PARD3B: variants seen among roughly 807,000 people sequenced by gnomAD.
PARD3B encodes the protein par-3 family cell polarity regulator beta.
A neutral mutation model predicts 130.2 loss-of-function variants in PARD3B; 103 were observed. The ratio of observed to expected loss-of-function variants is 0.79; its 90% CI spans 0.67 to 0.93. PARD3B has a LOEUF of 0.93. Among genes scored for constraint, PARD3B ranks in the 40% least tolerant of loss-of-function variants. The pLI, the probability that PARD3B is intolerant of heterozygous loss-of-function variation, is 0.00. For synonymous variants in PARD3B, 583 were observed against 553.2 expected, an observed-to-expected ratio of 1.05 and a Z score of -0.76; for missense variants, 1,609 against 1,499.2, an observed-to-expected ratio of 1.07 and a Z score of -1.21.
intron 21 of PARD3B, among the ~76,000 whole-genome samples, chr2:205,518,154 G>A (rs370844662): frequency 3.9e-5 from 6 of 151,996 alleles, no homozygotes; most frequent in East Asian, 1.9e-4. Flanking sequence ...TTTCTGCCTC[G>A]ATGATCTAAT....
intron 4 of PARD3B, among the ~76,000 whole-genome samples, chr2:205,056,503 G>C (rs896838421): frequency 6.6e-6 from 1 of 151,814 alleles, no homozygotes; most frequent in African/African-American, 2.4e-5. Flanking sequence ...TTAAATGATC[G>C]TAGGGACATC....
In PARD3B at chr2:205,176,548, G is replaced by A. The variant is rs2035479736; in HGVS notation, c.1895G>A (p.Gly632Asp). ...GATAATAGTATCCTGCATCCACTTG[G>A]CACTTGCAGTCCACAAGACAAACAG... ...RNDNSILHPL[G>D]TCSPQDKQKG... The change falls in exon 13 of 23, where the codon GGC (glycine) becomes GAC (aspartate). Residue 632 changes from glycine (G) to aspartate (D), a missense_variant. Physicochemically the swap from Gly to Asp is moderately conservative, Grantham distance 94. Transcript: ENST00000406610. This position sits in a 1 kb window ranked among gnomAD's most constrained non-coding sequence, Gnocchi z 5.3. 6.2e-7 allele frequency: 1 copy of A among 1,611,274 alleles called. No homozygotes were observed. Among genetic ancestry groups the A allele is most frequent in the Admixed American group, 1.7e-5 (1 of 59,684 alleles).
At chr2:205,319,006 G>A (rs1051445146) in intron 18 of PARD3B, among the ~76,000 whole-genome samples, 1 of 152,104 alleles carries the variant, frequency 6.6e-6, no homozygotes. Flanking sequence ...CTCCGCCTTT[G>A]CCACATTTTC....
chr2:205,606,604 C>G (rs1051323839), intron 22 of PARD3B, among the ~76,000 whole-genome samples: 2 of 152,128 alleles, frequency 1.3e-5, no homozygotes, highest in African/African-American at 4.8e-5. Context: ...TATGCTGCCC[C>G]TGGTATTTAA....
intron 1 of PARD3B, among the ~76,000 whole-genome samples, chr2:204,584,278 A>ATTCC (rs2032722613): frequency 1.3e-5 from 2 of 152,186 alleles, no homozygotes; most frequent in Non-Finnish European, 2.9e-5. Flanking sequence ...GTATGACTTG[A>ATTCC]CAGTCTAGCT....
intron 20 of PARD3B, among the ~76,000 whole-genome samples, chr2:205,499,417 C>A (rs1194674293): frequency 1.3e-5 from 2 of 152,082 alleles, no homozygotes; most frequent in Middle Eastern, 3.4e-3. Context: ...TGTATCCCAT[C>A]CCCAACCCCC....
In PARD3B at chr2:204,678,801, G is replaced by C. The variant is rs140340448; in HGVS notation, c.121-7380G>C. On this transcript the variant is annotated intron_variant, in intron 1 of 22. Coordinates refer to ENST00000406610, the MANE Select transcript of PARD3B (RefSeq NM_001302769.2). The surrounding 1 kb of genome is among the most constrained non-coding windows in gnomAD (Gnocchi z 4.2). ...GAAAACGGATAACTGTTTTCATTTA[G>C]GGCTGCAGATTCCAGGCTCGAGGGT... Among the ~76,000 whole-genome samples the C allele has an allele frequency of 3.3e-5, 5 of 152,238 alleles. No homozygotes were observed. In the East Asian group the frequency reaches 9.7e-4, roughly 29 times the overall value.
chr2:204,588,003 T>C (rs2032905826), intron 1 of PARD3B, among the ~76,000 whole-genome samples: 1 of 152,222 alleles, frequency 6.6e-6, no homozygotes, highest in Admixed American at 6.5e-5. Flanking sequence ...TGACCCAGTC[T>C]TGGGTGTGTC....
intron 20 of PARD3B, among the ~76,000 whole-genome samples, chr2:205,476,087 C>G (rs903646232): frequency 2.6e-5 from 4 of 152,112 alleles, no homozygotes; most frequent in African/African-American, 9.7e-5. Flanking sequence ...ATTAAATGCT[C>G]TAGGAGTACA....
intron 21 of PARD3B, among the ~76,000 whole-genome samples, chr2:205,523,340 G>A (rs550133736): frequency 1.3e-5 from 2 of 150,994 alleles, no homozygotes; most frequent in African/African-American, 4.9e-5. Flanking sequence ...CGCCTCCCAG[G>A]TTCTAGCAAT....
intron 1 of PARD3B, among the ~76,000 whole-genome samples, chr2:204,551,691 C>G (rs2030475584): frequency 6.6e-6 from 1 of 152,186 alleles, no homozygotes; most frequent in Non-Finnish European, 1.5e-5. Flanking sequence ...AGCCACAGCC[C>G]TGATTTGTAG....
Position 205,176,692 on chromosome 2 carries a change from T to A in PARD3B, c.1924+115T>A. 5 of 1,173,420 alleles carry A rather than the reference T, an allele frequency of 4.3e-6. No individual in the cohort carries two copies. Among genetic ancestry groups the A allele is most frequent in the Non-Finnish European group, 5.8e-6 (5 of 869,418 alleles). The allele number at this position is 1,173,420 out of a possible 1,614,324, so 72.7% of individuals were successfully genotyped here. On this transcript the variant is annotated intron_variant, in intron 13 of 22. Coordinates refer to ENST00000406610, the MANE Select transcript of PARD3B (RefSeq NM_001302769.2). This position sits in a 1 kb window ranked among gnomAD's most constrained non-coding sequence, Gnocchi z 5.3. ...GGAGTTAATTAGACTAAGTGCAGAC[T>A]TTGTTACTCGGAGTCACAAACACTG... is the stretch of plus-strand genomic sequence containing the variant.
intron 19 of PARD3B, among the ~76,000 whole-genome samples, chr2:205,412,163 C>T (rs1273210965): frequency 6.6e-6 from 1 of 152,078 alleles, no homozygotes; most frequent in East Asian, 1.9e-4. Context: ...ACTTAATGAC[C>T]TTACAGTGCA....
chr2:204,653,063 C>A, intron 1 of PARD3B, among the ~76,000 whole-genome samples: 1 of 150,886 alleles, frequency 6.6e-6, no homozygotes, highest in East Asian at 1.9e-4. Context: ...CAAACCATAT[C>A]AAAAACTCAT....
intron 2 of PARD3B, among the ~76,000 whole-genome samples, chr2:204,892,020 C>T (rs1391092669): frequency 2.6e-5 from 4 of 152,214 alleles, no homozygotes; most frequent in East Asian, 1.9e-4. Flanking sequence ...TGCTTCATGA[C>T]GCTTATATTC....
At chr2:204,750,589 AATACACAC>A (rs1430843512) in intron 2 of PARD3B, among the ~76,000 whole-genome samples, 1 of 145,044 alleles carries the variant, frequency 6.9e-6, no homozygotes, top group Non-Finnish European at 1.5e-5. Context: ...CTGTTTCAAA[AATACACAC>A]ATACATACAT....
chr2:205,171,856 C>T (rs956195316), intron 11 of PARD3B, among the ~76,000 whole-genome samples: 1 of 152,200 alleles, frequency 6.6e-6, no homozygotes, highest in Non-Finnish European at 1.5e-5. Context: ...GGTTTCCAAA[C>T]CCCCTTCCCT....
At chr2:204,630,344 C>T (rs940286414) in intron 1 of PARD3B, among the ~76,000 whole-genome samples, 1 of 151,892 alleles carries the variant, frequency 6.6e-6, no homozygotes, top group Admixed American at 6.6e-5. Flanking sequence ...GAAGTGTCTG[C>T]TTAGGGAACT....
chr2:204,889,875 T>C (rs1158579771), intron 2 of PARD3B, among the ~76,000 whole-genome samples: 1 of 152,162 alleles, frequency 6.6e-6, no homozygotes, highest in East Asian at 1.9e-4. Flanking sequence ...GGAAAGTTTC[T>C]TTTCCGTGAA....
Sources: gnomAD v4.1 joint callset for allele counts (sites outside exome capture counted in the v4.1 genomes callset) on GRCh38, gnomAD v4.1.1 for gene constraint, Gnocchi (gnomAD v3.1) non-coding constraint, MANE v1.5 for transcripts, NCBI Gene and HGNC (gene_info 2026-07-23, HGNC 2026-07-21) for gene names.